The following WAC variants were observed in gnomAD, a reference collection of about 807,000 sequenced individuals.
WAC encodes the protein WW domain-containing adapter protein with coiled-coil.
A neutral mutation model predicts 79.6 loss-of-function variants in WAC; 11 were observed. The ratio of observed to expected loss-of-function variants is 0.14; its 90% CI spans 0.09 to 0.23. WAC has a LOEUF of 0.23. WAC is among the 10% of genes least tolerant of loss of function. The pLI is 1.00. For synonymous variants in WAC, 304 were observed against 276.9 expected (o/e 1.10, Z -0.97); for missense variants, 728 against 773.5 (o/e 0.94, Z 0.70).
chr10:28,590,491 C>G (rs908477889), intron 5 of WAC, among the ~76,000 whole-genome samples: 6 of 151,954 alleles, frequency 3.9e-5, no homozygotes, highest in Admixed American at 3.9e-4. Context: ...AATTGCTGAG[C>G]TTTGGTTATG....
chr10:28,603,987 ATGTATATATATATATATT>A (rs1840794539), intron 7 of WAC, among the ~76,000 whole-genome samples: 1 of 33,862 alleles, frequency 3.0e-5, no homozygotes, highest in South Asian at 1.1e-3. Flanking sequence ...ATATATATAT[ATGTATATATATATATATT>A]TCTATACTAA....
chr10:28,568,654 A>G (rs1838781551), intron 3 of WAC, among the ~76,000 whole-genome samples: 1 of 151,898 alleles, frequency 6.6e-6, no homozygotes, highest in Admixed American at 6.6e-5. Context: ...TTAACTTGTC[A>G]TTTACATTAG....
At chr10:28,602,761 G>T (rs1840704840) in intron 7 of WAC, among the ~76,000 whole-genome samples, 1 of 152,200 alleles carries the variant, frequency 6.6e-6, no homozygotes, top group African/African-American at 2.4e-5. Context: ...AACAAGAGTT[G>T]AAGTGATAAT....
rs1243313222 is a variant in WAC, at chr10:28,533,499, C to T, written c.-81C>T. On this transcript the variant is annotated 5_prime_UTR_variant, in exon 1 of 14. Coordinates refer to ENST00000354911, the MANE Select transcript of WAC (RefSeq NM_016628.5). ...GGTGCCGGGGCTGCCCGCCGCCCGC[C>T]GCCGCCGCCGCCTGCGCGCCCGCCC... The T allele has an allele frequency of 5.2e-6, 5 of 963,598 alleles. No homozygotes were observed. Among genetic ancestry groups the T allele is most frequent in the Non-Finnish European group, 6.4e-6 (5 of 778,260 alleles). The allele number at this position is 963,598 out of a possible 1,614,324, so 59.7% of individuals were successfully genotyped here.
At chr10:28,538,563 C>G (rs976391407) in intron 3 of WAC, among the ~76,000 whole-genome samples, 4 of 129,600 alleles carry the variant, frequency 3.1e-5, no homozygotes, top group Non-Finnish European at 4.7e-5. Flanking sequence ...GCCTGGGAGA[C>G]GGATTGAGAC....
In WAC at chr10:28,550,166, CA is replaced by C. The variant is rs5784070; in HGVS notation, c.274+14423del. Among the ~76,000 whole-genome samples, 139 of 141,178 alleles carry C rather than the reference CA, an allele frequency of 9.8e-4. No homozygotes were observed. In the East Asian group the frequency reaches 0.012, roughly 12 times the overall value. 92.6% of individuals were successfully genotyped at this position (141,178 alleles called of 152,430 possible). ...TGGGTGATAATGCAAGACTCAGTCT[CA>C]AAAAAAAAAAAAAGTTTGTTTTATG... On this transcript the variant is annotated intron_variant, in intron 3 of 13. Transcript: ENST00000354911.
chr10:28,580,749 T>C (rs374708856), intron 3 of WAC, among the ~76,000 whole-genome samples: 35 of 152,364 alleles, frequency 2.3e-4, no homozygotes, highest in African/African-American at 7.5e-4. Flanking sequence ...TTTGGAGTTA[T>C]ATCTGAAAAG....
chr10:28,611,854 A>C lies in WAC; in HGVS notation c.1369A>C (p.Thr457Pro). ...ATCATATGTTTCTCCAAGAATAAGC[A>C]CACCTCAAACTAACACAGTCCCTAT... ...PRSYVSPRIS[T>P]PQTNTVPIKP... is the part of the protein sequence containing the mutation. Residue 457 changes from threonine to proline, a missense_variant, in exon 10 of 14, where the codon ACA becomes CCA. This residue lies in a region of WAC where 648 missense variants were observed against 661.5 expected (regional missense o/e 0.98). Transcript: ENST00000354911. 6.2e-7 allele frequency: 1 copy of C among 1,614,120 alleles called. No individual in the cohort carries two copies. Among genetic ancestry groups the C allele is most frequent in the Non-Finnish European group, 8.5e-7 (1 of 1,180,032 alleles).
intron 3 of WAC, among the ~76,000 whole-genome samples, chr10:28,557,463 A>G (rs1838058203): frequency 6.6e-6 from 1 of 152,176 alleles, no homozygotes. Context: ...GGGGAGGCCA[A>G]GGTGGGAGGA....
chr10:28,541,970 G>A (rs914414973), intron 3 of WAC, among the ~76,000 whole-genome samples: 1 of 152,128 alleles, frequency 6.6e-6, no homozygotes, highest in Non-Finnish European at 1.5e-5. Flanking sequence ...TCAAGCTCAC[G>A]GCCCTCCAGT....
chr10:28,583,849 A>G (rs369263806), intron 4 of WAC, among the ~76,000 whole-genome samples: 5 of 152,150 alleles, frequency 3.3e-5, no homozygotes, highest in African/African-American at 1.2e-4. Flanking sequence ...CTTTCTTTCC[A>G]TAGTGTATAA....
intron 3 of WAC, among the ~76,000 whole-genome samples, chr10:28,575,380 C>T (rs1839189673): frequency 6.6e-6 from 1 of 152,156 alleles, no homozygotes; most frequent in Non-Finnish European, 1.5e-5. Context: ...GATAACTATG[C>T]TTAACATTTT....
intron 3 of WAC, 79 bp downstream of exon 3, chr10:28,535,836 G>C: frequency 1.6e-6 from 2 of 1,237,770 alleles, no homozygotes; most frequent in Non-Finnish European, 2.2e-6. Flanking sequence ...AGTATTTCTA[G>C]CTTGAAGAAG....
In WAC at chr10:28,622,499, A is replaced by G. The variant is rs2132902639; in HGVS notation, c.*2893A>G. ...ACTTTTAAAATGTCGTGGTATTGTAACAATATATTTGATGAAAGAAGGTTA... is the reference window on the plus strand; with the variant it reads ...ACTTTTAAAATGTCGTGGTATTGTAGCAATATATTTGATGAAAGAAGGTTA... On this transcript the variant is annotated 3_prime_UTR_variant, in exon 14 of 14. Coordinates refer to ENST00000354911, the MANE Select transcript of WAC (RefSeq NM_016628.5). 1 of 134,848 alleles carries G rather than the reference A, an allele frequency of 7.4e-6. No individual in the cohort carries two copies. Among genetic ancestry groups the G allele is most frequent in the African/African-American group, 2.8e-5 (1 of 35,840 alleles). 8.4% of individuals were successfully genotyped at this position (134,848 alleles called of 1,614,324 possible).
chr10:28,616,233 T>C lies in WAC; in HGVS notation c.1617T>C (p.Asn539=). Residue 539 remains asparagine, a synonymous_variant, in exon 12 of 14, where the codon AAT becomes AAC. Coordinates refer to ENST00000354911, the MANE Select transcript of WAC (RefSeq NM_016628.5). ...CTTCTAATAGTAGTAATGCATCAAA[T>C]GCAACAGTTGTACCACAGAATTCTT... ...NHTSNSSNAS[N]ATVVPQNSSA... 6.2e-7 allele frequency: 1 copy of C among 1,613,836 alleles called. No homozygotes were observed. The highest frequency in any genetic ancestry group is 8.5e-7 in the Non-Finnish European group (1 of 1,179,888).
rs1057315797 is a variant in WAC at position 28,621,155 on chromosome 10, G to T, written c.*1549G>T. ...CATCAAAATCTTGCCATCTGATTTAGAAAGGTGTTTCTTCTTCTTCTTCTT... is the reference window on the plus strand; with the variant it reads ...CATCAAAATCTTGCCATCTGATTTATAAAGGTGTTTCTTCTTCTTCTTCTT... On this transcript the variant is annotated 3_prime_UTR_variant, in exon 14 of 14. Coordinates refer to ENST00000354911, the MANE Select transcript of WAC (RefSeq NM_016628.5). The T allele has an allele frequency of 6.8e-6, 1 of 146,958 alleles. No individual in the cohort carries two copies. The allele number at this position is 146,958 out of a possible 1,614,324, so 9.1% of individuals were successfully genotyped here. A position where few individuals can be genotyped will look rare whatever the true frequency, so the allele number is the denominator to read the frequency against.
chr10:28,613,087 A>C (rs375264324), intron 10 of WAC, among the ~76,000 whole-genome samples: 5 of 152,140 alleles, frequency 3.3e-5, no homozygotes, highest in African/African-American at 1.2e-4. Flanking sequence ...CAATATAGCA[A>C]GACCCCATCT....
At chr10:28,603,618 A>G (rs1840747431) in intron 7 of WAC, among the ~76,000 whole-genome samples, 1 of 152,010 alleles carries the variant, frequency 6.6e-6, no homozygotes, top group Admixed American at 6.6e-5. Flanking sequence ...GTTTCAGACA[A>G]ATGAAGTTGT....
chr10:28,610,859 C>T (rs762084354), intron 9 of WAC, 38 bp downstream of exon 9: 10 of 1,520,646 alleles, frequency 6.6e-6, no homozygotes, highest in Non-Finnish European at 7.9e-6. Flanking sequence ...AGAATGGCAT[C>T]TTGATTTTGT....
Sources: allele counts gnomAD v4.1 joint callset (sites outside exome capture counted in the v4.1 genomes callset), GRCh38; gene constraint gnomAD v4.1.1; regional missense constraint gnomAD v4.1.1; transcripts MANE v1.5; gene names NCBI Gene and HGNC (gene_info 2026-07-23, HGNC 2026-07-21).